LGR4: variants seen among roughly 807,000 people sequenced by gnomAD.
The protein encoded by LGR4 is leucine rich repeat containing G protein-coupled receptor 4, also known as leucine-rich repeat-containing G protein-coupled receptor 4.
A neutral mutation model predicts 84.8 loss-of-function variants in LGR4; 44 were observed. The observed-to-expected ratio is 0.52, with a 90% CI of 0.41 to 0.67. LGR4 has a LOEUF of 0.67. LGR4 is among the 30% of genes least tolerant of loss of function. LGR4 has a pLI of 0.00. For synonymous variants in LGR4, 429 were observed against 434.3 expected, an observed-to-expected ratio of 0.99 and a Z score of 0.15; for missense variants, 1,032 against 1,131.4, an observed-to-expected ratio of 0.91 and a Z score of 1.26.
At chr11:27,467,566 C>CAAAAAAAAA (rs761925670) in intron 1 of LGR4, among the ~76,000 whole-genome samples, 1 of 51,836 alleles carries the variant, frequency 1.9e-5, no homozygotes, top group African/African-American at 5.2e-5. Context: ...GAGTCCGTCT[C>CAAAAAAAAA]AAAAAAAAAA....
rs1863149051 is a variant in LGR4 at position 27,384,329 on chromosome 11, T to C, written c.689+7A>G. On this transcript the variant is annotated splice_region_variant and intron_variant, in intron 6 of 17. Transcript: ENST00000379214. ...AATGCAGTTGCCCAAAATATGAATA[T>C]ACTTACAAGGTCTCCAGGTTATCTA... The C allele has an allele frequency of 1.9e-6, 3 of 1,576,322 alleles. No homozygotes were observed. Among genetic ancestry groups the C allele is most frequent in the Middle Eastern group, 1.7e-4 (1 of 5,974 alleles).
intron 1 of LGR4, among the ~76,000 whole-genome samples, chr11:27,438,603 C>A (rs181367010): frequency 2.3e-3 from 350 of 152,266 alleles, no homozygotes; most frequent in Non-Finnish European, 3.5e-3. Flanking sequence ...ATGAGATGAT[C>A]ATTGTAATCA....
intron 2 of LGR4, among the ~76,000 whole-genome samples, chr11:27,402,165 A>G (rs1297273813): frequency 6.6e-6 from 1 of 152,096 alleles, no homozygotes; most frequent in African/African-American, 2.4e-5. Context: ...GTAAATACCA[A>G]CTGGCCTTAA....
Position 27,386,558 on chromosome 11 carries a change from C to A in LGR4, c.402-1090G>T, listed in dbSNP as rs1863191465. On this transcript the variant is annotated intron_variant, in intron 4 of 17. Coordinates refer to ENST00000379214, the MANE Select transcript of LGR4 (RefSeq NM_018490.5). ...TGACAACTTTCAGGTTCAGGAAATT[C>A]TGAGTTTTAGAGTGGTTTTTGTGCC... Among the ~76,000 whole-genome samples the A allele has an allele frequency of 3.3e-5, 5 of 152,154 alleles. 1 individual carries two copies. Among genetic ancestry groups the A allele is most frequent in the Admixed American group, 3.3e-4 (5 of 15,274 alleles).
intron 1 of LGR4, among the ~76,000 whole-genome samples, chr11:27,440,867 C>T (rs535968114): frequency 6.6e-6 from 1 of 152,136 alleles, no homozygotes; most frequent in Non-Finnish European, 1.5e-5. Context: ...TCGATGGAAT[C>T]AAAAATCCTA....
intron 1 of LGR4, among the ~76,000 whole-genome samples, chr11:27,466,564 T>G (rs574439897): frequency 6.6e-6 from 1 of 152,318 alleles, no homozygotes; most frequent in African/African-American, 2.4e-5. Context: ...TGCCTAAACT[T>G]GCCTGGATCT....
At chr11:27,464,560 G>A (rs1251571970) in intron 1 of LGR4, among the ~76,000 whole-genome samples, 2 of 152,138 alleles carry the variant, frequency 1.3e-5, no homozygotes, top group African/African-American at 2.4e-5. Context: ...AAATGACTCT[G>A]CTGTTTACAC....
rs530833758 is a variant in LGR4, at chr11:27,375,273, C to T, written c.1181+1026G>A. Among the ~76,000 whole-genome samples the T allele has an allele frequency of 2.3e-3, 321 of 137,706 alleles. 2 individuals are homozygous for T. The highest frequency in any genetic ancestry group is 5.6e-3 in the Admixed American group (69 of 12,404). The allele number at this position is 137,706 out of a possible 152,430, so 90.3% of individuals were successfully genotyped here. A position where few individuals can be genotyped will look rare whatever the true frequency, so the allele number is the denominator to read the frequency against. ...TTACACCACTGCATTCTAGCCTGAG[C>T]GACAAGAGTGAGAGACCCTGTCTCA... On this transcript the variant is annotated intron_variant, in intron 13 of 17. Coordinates refer to ENST00000379214, the MANE Select transcript of LGR4 (RefSeq NM_018490.5).
At position 27,366,573 on chromosome 11, in the gene LGR4, T is replaced by C. The variant is rs529401437; in HGVS notation, c.*1294A>G. On this transcript the variant is annotated 3_prime_UTR_variant, in exon 18 of 18. Coordinates refer to ENST00000379214, the MANE Select transcript of LGR4 (RefSeq NM_018490.5). ...AACTAATATGGCAGTGGGTTTGCTA[T>C]TGATTTAGCACACTGTTCAAAAAAC... 6.6e-6 allele frequency: 1 copy of C among 152,628 alleles called. No homozygotes were observed. Among genetic ancestry groups the C allele is most frequent in the South Asian group, 2.1e-4 (1 of 4,828 alleles). 9.5% of individuals were successfully genotyped at this position (152,628 alleles called of 1,614,324 possible).
At chr11:27,403,265 G>A (rs1012737964) in intron 2 of LGR4, among the ~76,000 whole-genome samples, 1 of 152,150 alleles carries the variant, frequency 6.6e-6, no homozygotes, top group African/African-American at 2.4e-5. Context: ...GAACCCAGGA[G>A]TTAGAGACCA....
At chr11:27,431,307 C>T (rs970561330) in intron 1 of LGR4, among the ~76,000 whole-genome samples, 1 of 152,154 alleles carries the variant, frequency 6.6e-6, no homozygotes, top group East Asian at 1.9e-4. Flanking sequence ...ACAAACTTTC[C>T]ATGTGATTTT....
At position 27,378,696 on chromosome 11, in the gene LGR4, C is replaced by T; in HGVS notation, c.1043+1G>A. ...GGGAAGGGAAGAAGAATCCAACTTA[C>T]AAAGTCCTAAGCATCTTTTGTTCTT... On this transcript the variant is annotated splice_donor_variant, in intron 11 of 17. Transcript: ENST00000379214. LOFTEE classifies it high-confidence loss of function. The T allele has an allele frequency of 6.3e-7, 1 of 1,598,824 alleles. No individual in the cohort carries two copies. The highest frequency in any genetic ancestry group is 8.6e-7 in the Non-Finnish European group (1 of 1,167,492).
intron 1 of LGR4, among the ~76,000 whole-genome samples, chr11:27,441,839 A>G (rs1274372648): frequency 6.6e-6 from 1 of 152,190 alleles, no homozygotes; most frequent in African/African-American, 2.4e-5. Context: ...AACTTACGGC[A>G]GGGGAGAGGA....
intron 6 of LGR4, among the ~76,000 whole-genome samples, 174 bp from the exon 7 acceptor site, chr11:27,382,430 T>C (rs1286938457): frequency 7.1e-6 from 1 of 141,742 alleles, no homozygotes; most frequent in Admixed American, 7.1e-5. Context: ...TTACACCTTT[T>C]CTTACAATAA....
In LGR4 at chr11:27,472,432, C is replaced by G; in HGVS notation, c.-130G>C. Reference sequence around the variant, plus strand: ...GGGGTCTCTTCCTCGGCGGTCCGCGCGGGCTCGGCCCCTTCAGCAGTCCGC... The same window carrying G: ...GGGGTCTCTTCCTCGGCGGTCCGCGGGGGCTCGGCCCCTTCAGCAGTCCGC... On this transcript the variant is annotated 5_prime_UTR_variant, in exon 1 of 18. Transcript: ENST00000379214. 1.6e-6 allele frequency: 1 copy of G among 624,018 alleles called. No individual in the cohort carries two copies. Among genetic ancestry groups the G allele is most frequent in the Non-Finnish European group, 2.3e-6 (1 of 437,808 alleles). 38.7% of individuals were successfully genotyped at this position (624,018 alleles called of 1,614,324 possible). A position where few individuals can be genotyped will look rare whatever the true frequency, so the allele number is the denominator to read the frequency against.
Position 27,463,205 on chromosome 11 carries a change from T to C in LGR4, c.185+8913A>G, listed in dbSNP as rs923606173. ...AGGTTGAGGCTGCAGTGAGCCATGA[T>C]TGTGCCACTGCACTTCAGCCTGGGT... On this transcript the variant is annotated intron_variant, in intron 1 of 17. Transcript: ENST00000379214. Among the ~76,000 whole-genome samples, 28 of 152,142 alleles carry C rather than the reference T, an allele frequency of 1.8e-4. No homozygotes were observed. In the East Asian group the frequency reaches 4.1e-3, roughly 22 times the overall value.
intron 10 of LGR4, chr11:27,379,062 T>C: frequency 2.8e-6 from 1 of 351,614 alleles, no homozygotes; most frequent in Non-Finnish European, 5.1e-6. Flanking sequence ...CTGATCACAG[T>C]TAATTGCAAG....
At chr11:27,445,999 G>C (rs917658723) in intron 1 of LGR4, among the ~76,000 whole-genome samples, 2 of 152,174 alleles carry the variant, frequency 1.3e-5, no homozygotes, top group Admixed American at 6.5e-5. Context: ...AAGACAATCT[G>C]TCTATGTCCT....
intron 1 of LGR4, among the ~76,000 whole-genome samples, chr11:27,426,314 G>A (rs183152599): frequency 6.6e-6 from 1 of 152,304 alleles, no homozygotes; most frequent in African/African-American, 2.4e-5. Context: ...AAGCAGGAAA[G>A]AGAGTAAGGT....
Sources: gnomAD v4.1 joint callset for allele counts (sites outside exome capture counted in the v4.1 genomes callset) on GRCh38, gnomAD v4.1.1 for gene constraint, MANE v1.5 for transcripts, NCBI Gene and HGNC (gene_info 2026-07-23, HGNC 2026-07-21) for gene names.